STARD13: variants seen among roughly 807,000 people sequenced by gnomAD.
The protein encoded by STARD13 is StAR related lipid transfer domain containing 13.
In STARD13, 62 loss-of-function variants were observed where a neutral mutation model predicts 106.4. The observed-to-expected ratio is 0.58, with a 90% confidence interval of 0.48 to 0.72. The LOEUF (loss-of-function observed/expected upper bound fraction) is 0.72. Ranked by LOEUF, STARD13 falls within the 30% of genes least tolerant of loss-of-function variation. The probability of loss-of-function intolerance (pLI) is 0.00; values close to 1 mark genes in which losing one functional copy is unlikely to be tolerated. For missense variants in STARD13, 1,387 were observed against 1,424.0 expected, an observed-to-expected ratio of 0.97 and a Z score of 0.42; for synonymous variants, 565 against 553.0, an observed-to-expected ratio of 1.02 and a Z score of -0.31.
chr13:33,473,451 A>G, the STARD13 span, among the ~76,000 whole-genome samples: 1 of 152,258 alleles, frequency 6.6e-6, no homozygotes, highest in African/African-American at 2.4e-5. Context: ...CATGCTGCAC[A>G]GAAAGCCAAT....
chr13:33,404,778 T>A, the STARD13 span, among the ~76,000 whole-genome samples: 1 of 148,452 alleles, frequency 6.7e-6, no homozygotes, highest in African/African-American at 2.5e-5. Context: ...TGGGACTTTT[T>A]TTTTTTTTTT....
chr13:33,321,383 G>T (rs892642010), intron 1 of STARD13, among the ~76,000 whole-genome samples: 2 of 151,944 alleles, frequency 1.3e-5, no homozygotes, highest in Non-Finnish European at 2.9e-5. Context: ...GTAGGTGTTT[G>T]TAATCCCAGC....
the STARD13 span, among the ~76,000 whole-genome samples, chr13:33,546,084 A>C: frequency 6.6e-6 from 1 of 152,220 alleles, no homozygotes; most frequent in Non-Finnish European, 1.5e-5. Context: ...AAACACTCTT[A>C]TGAAATGATA....
chr13:33,607,299 CTT>C, the STARD13 span, among the ~76,000 whole-genome samples: 27 of 137,290 alleles, frequency 2.0e-4, no homozygotes, highest in Non-Finnish European at 1.9e-4. Context: ...ATCATTGTTT[CTT>C]TTTTTTTTTT....
At chr13:33,139,882 G>C (rs1879586265) in intron 4 of STARD13, among the ~76,000 whole-genome samples, 2 of 152,222 alleles carry the variant, frequency 1.3e-5, no homozygotes, top group Middle Eastern at 3.4e-3. Flanking sequence ...ATGGATTCTG[G>C]TCATTATTGA....
At chr13:33,424,199 T>G in the STARD13 span, among the ~76,000 whole-genome samples, 1 of 152,188 alleles carries the variant, frequency 6.6e-6, no homozygotes, top group African/African-American at 2.4e-5. Context: ...CCAGACTACT[T>G]AAGTTGAAAT....
chr13:33,628,248 A>G, the STARD13 span, among the ~76,000 whole-genome samples: 1 of 151,948 alleles, frequency 6.6e-6, no homozygotes, highest in African/African-American at 2.4e-5. Context: ...TATCCCAGAA[A>G]TTGAACTAGG....
At chr13:33,564,162 C>A in the STARD13 span, among the ~76,000 whole-genome samples, 3 of 136,244 alleles carry the variant, frequency 2.2e-5, 1 homozygote, top group Non-Finnish European at 4.6e-5. Context: ...GAGCAGAGAC[C>A]GTGCCATTGC....
At chr13:33,486,782 A>G in the STARD13 span, among the ~76,000 whole-genome samples, 16 of 152,318 alleles carry the variant, frequency 1.1e-4, no homozygotes, top group South Asian at 3.3e-3. Flanking sequence ...TTTTGCCTGC[A>G]GAAAGAAAAG....
the STARD13 span, among the ~76,000 whole-genome samples, chr13:33,664,957 C>T: frequency 6.6e-6 from 1 of 152,204 alleles, no homozygotes; most frequent in South Asian, 2.1e-4. Context: ...TTACCTTACT[C>T]ATCCTGACGG....
chr13:33,453,760 G>T, the STARD13 span, among the ~76,000 whole-genome samples: 1 of 152,160 alleles, frequency 6.6e-6, no homozygotes, highest in Non-Finnish European at 1.5e-5. Context: ...CTCCAAACAT[G>T]AAAAATGTTT....
At chr13:33,330,351 G>A (rs1425595906) in intron 1 of STARD13, among the ~76,000 whole-genome samples, 1 of 152,128 alleles carries the variant, frequency 6.6e-6, no homozygotes, top group Non-Finnish European at 1.5e-5. Context: ...TTACAGATGT[G>A]GAGCACCTTT....
the STARD13 span, among the ~76,000 whole-genome samples, chr13:33,565,340 TTGAA>T: frequency 2.0e-5 from 3 of 147,468 alleles, no homozygotes; most frequent in African/African-American, 7.5e-5. Context: ...AGAGAACAAT[TTGAA>T]TGTTTCTAGA....
the STARD13 span, among the ~76,000 whole-genome samples, chr13:33,557,805 C>T: frequency 1.6e-3 from 248 of 152,240 alleles, no homozygotes; most frequent in Middle Eastern, 6.8e-3. Flanking sequence ...TTAGATAAAC[C>T]GTTGCTAAGA....
At chr13:33,326,875 A>C (rs2077780903) in intron 1 of STARD13, among the ~76,000 whole-genome samples, 1 of 152,170 alleles carries the variant, frequency 6.6e-6, no homozygotes, top group Non-Finnish European at 1.5e-5. Flanking sequence ...TAAGCAGCAA[A>C]AACCATGCTG....
At chr13:33,670,724 T>A in the STARD13 span, among the ~76,000 whole-genome samples, 1 of 152,206 alleles carries the variant, frequency 6.6e-6, no homozygotes, top group African/African-American at 2.4e-5. Context: ...AGGTTTTTAG[T>A]AAGTCACCAG....
chr13:33,527,033 C>T, the STARD13 span, among the ~76,000 whole-genome samples: 12 of 152,020 alleles, frequency 7.9e-5, no homozygotes, highest in Admixed American at 7.9e-4. Context: ...AGCGACACAG[C>T]TAGAAAAATA....
chr13:33,134,422 C>T (rs1878782336), intron 4 of STARD13, among the ~76,000 whole-genome samples: 1 of 152,208 alleles, frequency 6.6e-6, no homozygotes, highest in Non-Finnish European at 1.5e-5. Context: ...TTGTCAGTAA[C>T]TGGTTGAGTA....
the STARD13 span, among the ~76,000 whole-genome samples, chr13:33,509,051 G>C: frequency 6.6e-6 from 1 of 152,128 alleles, no homozygotes; most frequent in Non-Finnish European, 1.5e-5. Context: ...ATAATCTTAT[G>C]GGATCACCAC....
Sources: gnomAD v4.1 joint callset for allele counts (sites outside exome capture counted in the v4.1 genomes callset) on GRCh38, gnomAD v4.1.1 for gene constraint, MANE v1.5 for transcripts, NCBI Gene and HGNC (gene_info 2026-07-23, HGNC 2026-07-21) for gene names.